Variants in SKAP2 observed in about 807,000 individuals in gnomAD.
SKAP2 encodes src kinase associated phosphoprotein 2, also known as src kinase-associated phosphoprotein 2.
In SKAP2, 28 loss-of-function variants were observed where a neutral mutation model predicts 54.9. That is an observed-to-expected ratio of 0.51 (90% confidence interval 0.38 to 0.70). The LOEUF (loss-of-function observed/expected upper bound fraction) is 0.70, where lower values mean the gene tolerates loss of function less well. SKAP2 is among the 30% of genes least tolerant of loss of function. SKAP2 has a pLI of 0.00. For missense variants in SKAP2, 356 were observed against 424.1 expected, an observed-to-expected ratio of 0.84 and a Z score of 1.41; for synonymous variants, 137 against 134.3, an observed-to-expected ratio of 1.02 and a Z score of -0.14.
intron 9 of SKAP2, among the ~76,000 whole-genome samples, chr7:26,699,994 T>C (rs968094104): frequency 1.2e-4 from 19 of 152,242 alleles, no homozygotes; most frequent in Non-Finnish European, 2.2e-4. Flanking sequence ...TTTCTTGTAC[T>C]TGTGCAACTA....
rs375344635 is a variant in SKAP2, at chr7:26,829,767, T to C, written c.307+14263A>G. ...AAAAGACAGTAAGTGTTGAAGAGAA[T>C]TGTGGACAAATCAGAACCCCCACAT... is the stretch of plus-strand genomic sequence containing the variant. On this transcript the variant is annotated intron_variant, in intron 4 of 12. Transcript: ENST00000345317. Among the ~76,000 whole-genome samples the C allele has an allele frequency of 8.5e-5, 13 of 152,270 alleles. No individual in the cohort carries two copies. In the East Asian group the frequency reaches 1.9e-3, roughly 23 times the overall value.
At chr7:26,745,572 A>G (rs10807834) in intron 4 of SKAP2, among the ~76,000 whole-genome samples, 78,713 of 152,064 alleles carry the variant, frequency 0.52, 21,683 homozygotes, top group East Asian at 0.88. Context: ...GCTGGAGTGC[A>G]GTGGCATGAT....
intron 11 of SKAP2, among the ~76,000 whole-genome samples, chr7:26,673,970 A>G (rs2128084344): frequency 6.6e-6 from 1 of 152,228 alleles, no homozygotes; most frequent in East Asian, 1.9e-4. Flanking sequence ...AGGCCCCAAC[A>G]TTTACTTAAA....
chr7:26,705,318 A>C (rs886824565), intron 9 of SKAP2, among the ~76,000 whole-genome samples: 3 of 152,242 alleles, frequency 2.0e-5, no homozygotes, highest in African/African-American at 7.2e-5. Flanking sequence ...CATCTAATTA[A>C]ATAATGCAAT....
chr7:26,718,695 G>A (rs1240210186), intron 9 of SKAP2, among the ~76,000 whole-genome samples: 1 of 151,802 alleles, frequency 6.6e-6, no homozygotes, highest in Non-Finnish European at 1.5e-5. Context: ...TAGTAGAGAC[G>A]GGGTTTCACC....
intron 9 of SKAP2, among the ~76,000 whole-genome samples, chr7:26,721,142 T>C (rs1787568201): frequency 6.6e-6 from 1 of 152,112 alleles, no homozygotes; most frequent in East Asian, 1.9e-4. Flanking sequence ...AGGAGAAAAA[T>C]TGTTTGGTGA....
In SKAP2 at chr7:26,725,431, G is replaced by A; in HGVS notation, c.793C>T (p.Pro265Ser). 1 of 1,608,750 alleles carries A rather than the reference G, an allele frequency of 6.2e-7. No homozygotes were observed. The highest frequency in any genetic ancestry group is 8.5e-7 in the Non-Finnish European group (1 of 1,177,404). Residue 265 changes from proline to serine, a missense_variant, in exon 9 of 13, where the codon CCA (proline) becomes TCA (serine). By Grantham distance (74) the Pro-to-Ser change is moderately conservative. Coordinates refer to ENST00000345317, the MANE Select transcript of SKAP2 (RefSeq NM_003930.5). Reference protein sequence around the residue: ...PIDDEIYEELPEEEEDSAPVK... With the variant: ...PIDDEIYEELSEEEEDSAPVK... ...TGAATCACCAGAAAGTAAATACCTG[G>A]AAGTTCTTCATAAATTTCATCATCT...
chr7:26,713,987 G>A (rs537602187), intron 9 of SKAP2, among the ~76,000 whole-genome samples: 1 of 152,224 alleles, frequency 6.6e-6, no homozygotes, highest in South Asian at 2.1e-4. Flanking sequence ...CAAAAGCGGT[G>A]GTAAGTAAAA....
Position 26,756,283 on chromosome 7 carries a change from T to C in SKAP2, c.308-16319A>G, listed in dbSNP as rs1047809813. On this transcript the variant is annotated intron_variant, in intron 4 of 12. Transcript: ENST00000345317. ...ATGCTGGTGTGCTGCACCCATTAAC[T>C]CATCATTTACATTAGGTATATCTCC... Among the ~76,000 whole-genome samples the C allele has an allele frequency of 3.3e-5, 5 of 152,322 alleles. No individual in the cohort carries two copies. In the East Asian group the frequency reaches 9.6e-4, roughly 29 times the overall value.
intron 1 of SKAP2, chr7:26,857,764 T>C (rs747737915): frequency 4.1e-6 from 4 of 982,930 alleles, no homozygotes; most frequent in Non-Finnish European, 4.8e-6. Flanking sequence ...GCCAGGGTAA[T>C]ATTTCAAAAG....
chr7:26,773,000 T>C (rs1162946790), intron 4 of SKAP2, among the ~76,000 whole-genome samples: 2 of 152,232 alleles, frequency 1.3e-5, no homozygotes, highest in Non-Finnish European at 2.9e-5. Flanking sequence ...AGTGATGGTC[T>C]TGAAGATCCA....
chr7:26,789,344 A>G (rs1445837691), intron 4 of SKAP2, among the ~76,000 whole-genome samples: 3 of 152,214 alleles, frequency 2.0e-5, no homozygotes, highest in Non-Finnish European at 4.4e-5. Flanking sequence ...TGCCACTTAA[A>G]GGAAGTTGAG....
In SKAP2 at chr7:26,825,429, T is replaced by C. The variant is rs537499418; in HGVS notation, c.307+18601A>G. On this transcript the variant is annotated intron_variant, in intron 4 of 12. Coordinates refer to ENST00000345317, the MANE Select transcript of SKAP2 (RefSeq NM_003930.5). ...AAATTAAATTCAAACAATCTAAAAA[T>C]CTAATTTTTGTTTAGTTCTAATCTA... Among the ~76,000 whole-genome samples the C allele has an allele frequency of 2.0e-4, 31 of 152,232 alleles. No homozygotes were observed. In the South Asian group the frequency reaches 6.0e-3, roughly 29 times the overall value.
chr7:26,796,593 C>A (rs1783785376), intron 4 of SKAP2, among the ~76,000 whole-genome samples: 1 of 152,232 alleles, frequency 6.6e-6, no homozygotes, highest in African/African-American at 2.4e-5. Flanking sequence ...TTGAGTTCTG[C>A]AGCTGTGGCT....
chr7:26,726,009 A>G, intron 7 of SKAP2, 23 bp from the exon 8 acceptor site: 1 of 1,489,350 alleles, frequency 6.7e-7, no homozygotes, highest in South Asian at 1.1e-5. Flanking sequence ...AAACAGTAAG[A>G]ACGAAAATCA....
At chr7:26,847,795 T>C (rs1784956707) in intron 3 of SKAP2, among the ~76,000 whole-genome samples, 1 of 152,200 alleles carries the variant, frequency 6.6e-6, no homozygotes, top group South Asian at 2.1e-4. Flanking sequence ...AGTTTAAAAA[T>C]ACTTCTTTGT....
rs1399723623 is a variant in SKAP2, at chr7:26,732,937, T to C, written c.469+5858A>G. On this transcript the variant is annotated intron_variant, in intron 6 of 12. Coordinates refer to ENST00000345317, the MANE Select transcript of SKAP2 (RefSeq NM_003930.5). ...CTAAACATCAGATGTACATTTTAAC[T>C]TCTATATACTGTTAGAGAGTCTCTT... 4.6e-5 allele frequency among the ~76,000 whole-genome samples: 7 copies of C among 152,184 alleles called. 1 individual carries two copies. Among genetic ancestry groups the C allele is most frequent in the Admixed American group, 4.6e-4 (7 of 15,270 alleles).
chr7:26,815,576 G>A (rs1784248770), intron 4 of SKAP2, among the ~76,000 whole-genome samples: 1 of 152,110 alleles, frequency 6.6e-6, no homozygotes, highest in African/African-American at 2.4e-5. Flanking sequence ...TGGTGCCAAG[G>A]AGCCAGATGG....
chr7:26,795,747 A>G (rs1459041182), intron 4 of SKAP2, among the ~76,000 whole-genome samples: 1 of 152,326 alleles, frequency 6.6e-6, no homozygotes, highest in African/African-American at 2.4e-5. Context: ...GAAACTTAGT[A>G]AGTCACTTAA....
Sources: allele counts gnomAD v4.1 joint callset (sites outside exome capture counted in the v4.1 genomes callset), GRCh38; gene constraint gnomAD v4.1.1; transcripts MANE v1.5; gene names NCBI Gene and HGNC (gene_info 2026-07-23, HGNC 2026-07-21).